Variants in COLGALT2 observed in about 807,000 individuals in gnomAD.
COLGALT2 encodes the protein collagen beta(1-O)galactosyltransferase 2.
Under a neutral mutation model 73.4 loss-of-function variants are expected in COLGALT2, and 49 were observed. The observed-to-expected ratio is 0.67, with a 90% CI of 0.53 to 0.85. The LOEUF (loss-of-function observed/expected upper bound fraction) is 0.85. Among genes scored for constraint, COLGALT2 ranks in the 40% least tolerant of loss-of-function variants. The pLI is 0.00. For missense variants in COLGALT2, 722 were observed against 790.2 expected, an observed-to-expected ratio of 0.91 and a Z score of 1.03; for synonymous variants, 295 against 307.6, an observed-to-expected ratio of 0.96 and a Z score of 0.43.
chr1:183,936,067 T>G lies in COLGALT2; in HGVS notation c.*2694A>C. ...CCACACACAGCAGCACCAGCACTGC[T>G]GATGTCACGGTTGTCTGTCCAGAAG... On this transcript the variant is annotated 3_prime_UTR_variant, in exon 12 of 12. Coordinates refer to ENST00000361927, the MANE Select transcript of COLGALT2 (RefSeq NM_015101.4). 3.0e-6 allele frequency: 3 copies of G among 985,466 alleles called. No homozygotes were observed. Among genetic ancestry groups the G allele is most frequent in the Non-Finnish European group, 3.6e-6 (3 of 829,980 alleles). 61.0% of individuals were successfully genotyped at this position (985,466 alleles called of 1,614,324 possible). A position where few individuals can be genotyped will look rare whatever the true frequency, so the allele number is the denominator to read the frequency against.
intron 1 of COLGALT2, 30 bp downstream of exon 1, chr1:184,037,065 C>G: frequency 6.8e-7 from 1 of 1,461,094 alleles, no homozygotes; most frequent in Non-Finnish European, 9.0e-7. Flanking sequence ...CGCGTCCCGC[C>G]GCGGCGGCCC....
At chr1:184,005,249 TG>T (rs919898629) in intron 1 of COLGALT2, among the ~76,000 whole-genome samples, 1 of 152,230 alleles carries the variant, frequency 6.6e-6, no homozygotes, top group Non-Finnish European at 1.5e-5. Context: ...TGTTAAAAAG[TG>T]TCAGCTCCTC....
chr1:184,015,144 G>A (rs942283244), intron 1 of COLGALT2, among the ~76,000 whole-genome samples: 1 of 151,960 alleles, frequency 6.6e-6, no homozygotes, highest in Admixed American at 6.6e-5. Flanking sequence ...ATTTGCAATT[G>A]GTCCACGCTA....
chr1:183,984,898 C>T (rs1268561213), intron 1 of COLGALT2, among the ~76,000 whole-genome samples: 1 of 152,102 alleles, frequency 6.6e-6, no homozygotes, highest in African/African-American at 2.4e-5. Flanking sequence ...TGATGATGCT[C>T]CCAGGTCAAC....
In COLGALT2 at chr1:183,978,455, T is replaced by G. The variant is rs1444941444; in HGVS notation, c.329A>C (p.Gln110Pro). 1.2e-6 allele frequency: 2 copies of G among 1,612,882 alleles called. No individual in the cohort carries two copies. Among genetic ancestry groups the G allele is most frequent in the African/African-American group, 1.3e-5 (1 of 75,022 alleles). Residue 110 changes from glutamine to proline, a missense_variant, in exon 2 of 12, where the codon CAG becomes CCG. Physicochemically the swap from Gln to Pro is moderately conservative, Grantham distance 76. Transcript: ENST00000361927. Reference protein sequence around the residue: ...EIFREWLKNVQRLYHYVEWRP... With the variant: ...EIFREWLKNVPRLYHYVEWRP... ...CCACTCCACATAGTGATAGAGTCTC[T>G]GTACATTTTTCAACCACTCCCTGAA...
intron 4 of COLGALT2, among the ~76,000 whole-genome samples, chr1:183,969,755 C>T (rs12736784): frequency 6.6e-6 from 1 of 152,054 alleles, no homozygotes; most frequent in African/African-American, 2.4e-5. Flanking sequence ...TTTATGTTGA[C>T]TTATGATTAA....
intron 1 of COLGALT2, 33 bp downstream of exon 1, chr1:184,037,062 C>T (rs750018266): frequency 3.0e-5 from 43 of 1,449,132 alleles, no homozygotes; most frequent in Admixed American, 8.9e-5. Context: ...CCCCGCGTCC[C>T]GCCGCGGCGG....
chr1:183,988,911 C>A (rs1228179755), intron 1 of COLGALT2, among the ~76,000 whole-genome samples: 1 of 152,060 alleles, frequency 6.6e-6, no homozygotes, highest in African/African-American at 2.4e-5. Flanking sequence ...ATTCTTTACC[C>A]TTTGTGGAGA....
chr1:183,971,393 T>A (rs72637288), intron 4 of COLGALT2, among the ~76,000 whole-genome samples: 3 of 152,106 alleles, frequency 2.0e-5, no homozygotes, highest in African/African-American at 7.3e-5. Flanking sequence ...AGTGAGCACA[T>A]TTCTCCTATT....
intron 1 of COLGALT2, among the ~76,000 whole-genome samples, chr1:183,993,464 T>C (rs1319943384): frequency 2.0e-5 from 3 of 152,154 alleles, no homozygotes; most frequent in Admixed American, 2.0e-4. Flanking sequence ...AAATTAGAAA[T>C]CCAGCAAGAG....
At position 183,936,440 on chromosome 1, in the gene COLGALT2, T is replaced by C; in HGVS notation, c.*2321A>G. The C allele has an allele frequency of 4.1e-6, 4 of 987,552 alleles. No homozygotes were observed. Among genetic ancestry groups the C allele is most frequent in the Non-Finnish European group, 4.8e-6 (4 of 831,184 alleles). 61.2% of individuals were successfully genotyped at this position (987,552 alleles called of 1,614,324 possible). The stretch of plus-strand genomic sequence containing the variant: ...AACTTTCTTCACAGTAGAACAGTCC[T>C]AGTCTAAAATGCTAGAATTTAAGTC... On this transcript the variant is annotated 3_prime_UTR_variant, in exon 12 of 12. Coordinates refer to ENST00000361927, the MANE Select transcript of COLGALT2 (RefSeq NM_015101.4).
intron 1 of COLGALT2, among the ~76,000 whole-genome samples, chr1:184,017,606 C>A (rs1161952545): frequency 6.6e-6 from 1 of 152,166 alleles, no homozygotes; most frequent in African/African-American, 2.4e-5. Context: ...CACTCCAGTG[C>A]CACCCAAAAC....
chr1:184,011,404 C>A (rs924471835), intron 1 of COLGALT2, among the ~76,000 whole-genome samples: 5 of 152,212 alleles, frequency 3.3e-5, no homozygotes, highest in South Asian at 2.1e-4. Context: ...CTATGCACAA[C>A]CTCCTTTTTC....
chr1:184,036,144 C>T (rs1649666362), intron 1 of COLGALT2, among the ~76,000 whole-genome samples: 1 of 152,192 alleles, frequency 6.6e-6, no homozygotes, highest in Non-Finnish European at 1.5e-5. Flanking sequence ...ACCTACCTGA[C>T]AGCACATCTC....
chr1:184,012,289 C>G (rs958285039), intron 1 of COLGALT2, among the ~76,000 whole-genome samples: 7 of 152,242 alleles, frequency 4.6e-5, no homozygotes, highest in Admixed American at 2.6e-4. Context: ...AATACAAACA[C>G]AGAAAAGAAA....
intron 5 of COLGALT2, among the ~76,000 whole-genome samples, chr1:183,968,661 A>G (rs190411674): frequency 6.6e-6 from 1 of 152,220 alleles, no homozygotes; most frequent in Non-Finnish European, 1.5e-5. Flanking sequence ...ACTGCATTCA[A>G]CTTCTGGATT....
At chr1:183,966,364 C>A (rs895098070) in intron 5 of COLGALT2, among the ~76,000 whole-genome samples, 3 of 152,168 alleles carry the variant, frequency 2.0e-5, no homozygotes, top group Admixed American at 2.0e-4. Context: ...TAAACATTTT[C>A]TTGTACTCAT....
intron 1 of COLGALT2, among the ~76,000 whole-genome samples, chr1:183,983,296 C>T (rs956172746): frequency 6.6e-5 from 10 of 152,232 alleles, no homozygotes; most frequent in African/African-American, 2.4e-4. Context: ...CAGTGAGGGC[C>T]ACACCAGCCC....
Position 183,973,649 on chromosome 1 carries a change from C to A in COLGALT2, c.594G>T (p.Leu198=). ...TGATTCCGCACCAGAAATTAGAATACAGGCCCCGAGACTCCAGCATGGGGG... is the reference window on the plus strand; with the variant it reads ...TGATTCCGCACCAGAAATTAGAATAAAGGCCCCGAGACTCCAGCATGGGGG... The part of the protein sequence containing the change: ...IVAPMLESRG[L]YSNFWCGITP... Residue 198 remains leucine, a synonymous_variant, in exon 4 of 12, where the codon CTG becomes CTT. Transcript: ENST00000361927. 6.2e-6 allele frequency: 10 copies of A among 1,613,982 alleles called. No individual in the cohort carries two copies. The highest frequency in any genetic ancestry group is 8.5e-6 in the Non-Finnish European group (10 of 1,179,976).
Sources: allele counts gnomAD v4.1 joint callset (sites outside exome capture counted in the v4.1 genomes callset), GRCh38; gene constraint gnomAD v4.1.1; transcripts MANE v1.5; gene names NCBI Gene and HGNC (gene_info 2026-07-23, HGNC 2026-07-21).